The following ANKEF1 variants were observed in gnomAD, a reference collection of about 807,000 sequenced individuals.
The protein encoded by ANKEF1 is ankyrin repeat and EF-hand domain containing 1, also known as ankyrin repeat and EF-hand domain-containing protein 1.
ANKEF1 carries 43 observed loss-of-function variants against 65.1 expected under a neutral mutation model. That is an observed-to-expected ratio of 0.66 (90% confidence interval 0.52 to 0.85). ANKEF1 has a LOEUF of 0.85. Among genes scored for constraint, ANKEF1 ranks in the 40% least tolerant of loss-of-function variants. The pLI is 0.00. For synonymous variants in ANKEF1, 316 were observed against 341.5 expected (o/e 0.93, Z 0.82); for missense variants, 934 against 952.9 (o/e 0.98, Z 0.26).
chr20:10,045,763 G>T, intron 6 of ANKEF1, 66 bp downstream of exon 6: 1 of 1,570,288 alleles, frequency 6.4e-7, no homozygotes, highest in Non-Finnish European at 8.7e-7. Flanking sequence ...GATAAGCAGA[G>T]AATTTGGGCC....
Position 10,055,882 on chromosome 20 carries a change from C to T in ANKEF1, c.*222C>T. Reference sequence around the variant, plus strand: ...GTCATTCTGGATAAATCCCCAAGCCCCTTTATGAATGTAGTGAAATACATG... The same window carrying T: ...GTCATTCTGGATAAATCCCCAAGCCTCTTTATGAATGTAGTGAAATACATG... On this transcript the variant is annotated 3_prime_UTR_variant, in exon 11 of 11. Transcript: ENST00000378392. The T allele has an allele frequency of 3.9e-6, 2 of 517,102 alleles. No individual in the cohort carries two copies. 32.0% of individuals were successfully genotyped at this position (517,102 alleles called of 1,614,324 possible). A position where few individuals can be genotyped will look rare whatever the true frequency, so the allele number is the denominator to read the frequency against.
At chr20:10,041,220 G>A (rs1318399029) in intron 3 of ANKEF1, among the ~76,000 whole-genome samples, 1 of 151,566 alleles carries the variant, frequency 6.6e-6, no homozygotes, top group Non-Finnish European at 1.5e-5. Flanking sequence ...TTACTTTGCT[G>A]TATATGTGTG....
chr20:10,043,840 T>G (rs1984349382), intron 4 of ANKEF1, among the ~76,000 whole-genome samples: 1 of 151,802 alleles, frequency 6.6e-6, no homozygotes, highest in African/African-American at 2.4e-5. Flanking sequence ...TTTTTGTATT[T>G]TTAGTAGAGA....
In ANKEF1 at chr20:10,056,426, T is replaced by C. The variant is rs1173005071; in HGVS notation, c.*766T>C. 1 of 151,230 alleles carries C rather than the reference T, an allele frequency of 6.6e-6. No individual in the cohort carries two copies. Among genetic ancestry groups the C allele is most frequent in the Non-Finnish European group, 1.5e-5 (1 of 67,836 alleles). 9.4% of individuals were successfully genotyped at this position (151,230 alleles called of 1,614,324 possible). A position where few individuals can be genotyped will look rare whatever the true frequency, so the allele number is the denominator to read the frequency against. On this transcript the variant is annotated 3_prime_UTR_variant, in exon 11 of 11. Transcript: ENST00000378392. The stretch of plus-strand genomic sequence containing the variant: ...TGCTCCAACCTGACAGCTAGGTATC[T>C]AGCTAGCTAGAAAGGCAGATAGACA...
At position 10,051,658 on chromosome 20, in the gene ANKEF1, T is replaced by C; in HGVS notation, c.1644-5T>C. ...TTTAGTTTGTTCATCTATCTTATTT[T>C]ACAGAGCTAACGTTAATGCAACAGA... On this transcript the variant is annotated splice_polypyrimidine_tract_variant and splice_region_variant and intron_variant, in intron 7 of 10. Coordinates refer to ENST00000378392, the MANE Select transcript of ANKEF1 (RefSeq NM_022096.6). 1 of 1,605,142 alleles carries C rather than the reference T, an allele frequency of 6.2e-7. No individual in the cohort carries two copies. Among genetic ancestry groups the C allele is most frequent in the Non-Finnish European group, 8.5e-7 (1 of 1,173,450 alleles).
In ANKEF1 at chr20:10,053,182, A is replaced by G; in HGVS notation, c.1941A>G (p.Leu647=). 6.2e-7 allele frequency: 1 copy of G among 1,613,762 alleles called. No individual in the cohort carries two copies. Among genetic ancestry groups the G allele is most frequent in the Non-Finnish European group, 8.5e-7 (1 of 1,179,762 alleles). ...TAATTGATCTGATTAAAGAAAAGCT[A>G]GATAACTTGCCGAAACCAGCAGAAA... is the stretch of plus-strand genomic sequence containing the variant. The part of the protein sequence containing the change: ...YRIIDLIKEK[L]DNLPKPAENQ... Residue 647 remains leucine, a synonymous_variant, in exon 9 of 11, where the codon CTA becomes CTG. Coordinates refer to ENST00000378392, the MANE Select transcript of ANKEF1 (RefSeq NM_022096.6).
intron 3 of ANKEF1, among the ~76,000 whole-genome samples, chr20:10,040,008 T>TA (rs1984084624): frequency 6.6e-6 from 1 of 152,154 alleles, no homozygotes; most frequent in Non-Finnish European, 1.5e-5. Flanking sequence ...AAATTTTTTT[T>TA]AAAAAATCAA....
chr20:10,054,404 A>G (rs1305634665), intron 9 of ANKEF1, 58 bp from the exon 10 acceptor site: 3 of 1,362,814 alleles, frequency 2.2e-6, no homozygotes, highest in Non-Finnish European at 2.9e-6. Flanking sequence ...ACAGCAAATA[A>G]TATTAGAAAA....
intron 2 of ANKEF1, among the ~76,000 whole-genome samples, chr20:10,035,992 G>GT (rs1365257701): frequency 6.6e-6 from 1 of 152,236 alleles, no homozygotes; most frequent in Admixed American, 6.5e-5. Context: ...AGGTGTGCTT[G>GT]TATGTGGAGG....
chr20:10,056,524 A>AGATAGATAGATG lies in ANKEF1; in HGVS notation c.*875_*876insGGATAGATAGAT, dbSNP rs1985177340. Reference sequence around the variant, plus strand: ...TAGATAGATAGATAGATAGATAGATAGATAGATAGATAGAGATTTATTGCA... The same window carrying AGATAGATAGATG: ...TAGATAGATAGATAGATAGATAGATAGATAGATAGATGGATAGATAGATAGAGATTTATTGCA... On this transcript the variant is annotated 3_prime_UTR_variant, in exon 11 of 11. Coordinates refer to ENST00000378392, the MANE Select transcript of ANKEF1 (RefSeq NM_022096.6). 7 of 151,844 alleles carry AGATAGATAGATG rather than the reference A, an allele frequency of 4.6e-5. No individual in the cohort carries two copies. The South Asian group carries it at 1.5e-3, about 32-fold the overall frequency. The allele number at this position is 151,844 out of a possible 1,614,324, so 9.4% of individuals were successfully genotyped here. A position where few individuals can be genotyped will look rare whatever the true frequency, so the allele number is the denominator to read the frequency against.
In ANKEF1 at chr20:10,056,294, CCCT is replaced by C. The variant is rs1337708822; in HGVS notation, c.*635_*637del. 3 of 54,964 alleles carry C rather than the reference CCCT, an allele frequency of 5.5e-5. No homozygotes were observed. The highest frequency in any genetic ancestry group is 2.1e-4 in the African/African-American group (3 of 14,592). The allele number at this position is 54,964 out of a possible 1,614,324, so 3.4% of individuals were successfully genotyped here. On this transcript the variant is annotated 3_prime_UTR_variant, in exon 11 of 11. Coordinates refer to ENST00000378392, the MANE Select transcript of ANKEF1 (RefSeq NM_022096.6). The stretch of plus-strand genomic sequence containing the variant: ...AACAGCCCTAGATCGATAGCCCTAG[CCCT>C]AGATAGATAGCCCTAGCCCTAGATA...
chr20:10,044,912 T>G (rs546361622), intron 5 of ANKEF1, among the ~76,000 whole-genome samples: 1 of 152,176 alleles, frequency 6.6e-6, no homozygotes, highest in Non-Finnish European at 1.5e-5. Flanking sequence ...CATACTCTTA[T>G]CTCCATGGTG....
intron 9 of ANKEF1, 41 bp downstream of exon 9, chr20:10,053,316 T>C (rs766296950): frequency 1.3e-6 from 2 of 1,548,822 alleles, no homozygotes; most frequent in Non-Finnish European, 1.7e-6. Context: ...ACTGGAACTC[T>C]TTAAAAATCT....
At chr20:10,040,486 A>G (rs1223059301) in intron 3 of ANKEF1, 1 of 152,236 alleles carries the variant, frequency 6.6e-6, no homozygotes, top group African/African-American at 2.4e-5. Flanking sequence ...TGGAGAAGGT[A>G]AAGCTCTAAG....
chr20:10,054,472 C>T lies in ANKEF1; in HGVS notation c.2045C>T (p.Ser682Leu). The change falls in exon 10 of 11, where the codon TCA becomes TTA. Residue 682 changes from serine (S) to leucine (L), a missense_variant. Ser to Leu is a moderately radical substitution (Grantham distance 145). Coordinates refer to ENST00000378392, the MANE Select transcript of ANKEF1 (RefSeq NM_022096.6). ...TGTTCTTGTTTCCAGGAACTGCTGT[C>T]ATCAATTTATGGTGTACCAACCACA... ...PEIKKEEELLSSIYGVPTTSE... is the reference protein window; with the variant it reads ...PEIKKEEELLLSIYGVPTTSE... The T allele has an allele frequency of 6.5e-7, 1 of 1,548,570 alleles. No individual in the cohort carries two copies. The highest frequency in any genetic ancestry group is 8.7e-7 in the Non-Finnish European group (1 of 1,155,952).
At chr20:10,044,590 G>C in intron 5 of ANKEF1, 47 bp downstream of exon 5, 1 of 1,601,102 alleles carries the variant, frequency 6.2e-7, no homozygotes, top group Non-Finnish European at 8.5e-7. Context: ...AAACTTTTCT[G>C]TCCTTTTTCT....
rs1237744722 is a variant in ANKEF1 at position 10,050,060 on chromosome 20, T to A, written c.1491T>A (p.Asn497Lys). The A allele has an allele frequency of 6.2e-7, 1 of 1,614,146 alleles. No individual in the cohort carries two copies. The highest frequency in any genetic ancestry group is 1.7e-5 in the Admixed American group (1 of 60,008). ...CAGAGAAGGTATTTTCAAACATTAA[T>A]ATTATCACCAAAGCAGGGGATCTGG... ...DDSEKVFSNI[N>K]IITKAGDLAS... The change falls in exon 7 of 11, where the codon AAT becomes AAA. Residue 497 changes from asparagine (N) to lysine (K), a missense_variant. Asn to Lys is a moderately conservative substitution (Grantham distance 94). Transcript: ENST00000378392.
intron 10 of ANKEF1, 33 bp from the exon 11 acceptor site, chr20:10,055,469 A>T (rs1288349695): frequency 6.2e-7 from 1 of 1,608,068 alleles, no homozygotes; most frequent in Admixed American, 1.7e-5. Flanking sequence ...TCATACTCAT[A>T]CCTGCTGGGG....
At chr20:10,042,396 G>A (rs1002562524) in intron 3 of ANKEF1, among the ~76,000 whole-genome samples, 1 of 150,116 alleles carries the variant, frequency 6.7e-6, no homozygotes, top group Non-Finnish European at 1.5e-5. Context: ...TCCCTTTTTT[G>A]GAATGAACTC....
Sources: gnomAD v4.1 joint callset for allele counts (sites outside exome capture counted in the v4.1 genomes callset) on GRCh38, gnomAD v4.1.1 for gene constraint, MANE v1.5 for transcripts, NCBI Gene and HGNC (gene_info 2026-07-23, HGNC 2026-07-21) for gene names.